VRK2: variants seen among roughly 807,000 people sequenced by gnomAD.
The protein encoded by VRK2 is VRK serine/threonine kinase 2.
In VRK2, 60 loss-of-function variants were observed where a neutral mutation model predicts 57.6. The ratio of observed to expected loss-of-function variants is 1.04; its 90% CI spans 0.85 to 1.29. The LOEUF is 1.29. Ranked by LOEUF, VRK2 falls within the 50% of genes most tolerant of loss-of-function variation. The pLI, the probability that VRK2 is intolerant of heterozygous loss-of-function variation, is 0.00. For missense variants in VRK2, 705 were observed against 588.1 expected (o/e 1.20, Z -2.06); for synonymous variants, 231 against 199.2 (o/e 1.16, Z -1.35).
At chr2:58,057,536 T>C (rs1676707385) in intron 2 of VRK2, among the ~76,000 whole-genome samples, 1 of 152,146 alleles carries the variant, frequency 6.6e-6, no homozygotes, top group Admixed American at 6.6e-5. Context: ...CTGAGTAGTA[T>C]TTAATTGAAG....
chr2:57,974,738 A>T (rs565270213), intron 1 of VRK2, among the ~76,000 whole-genome samples: 19 of 152,016 alleles, frequency 1.2e-4, no homozygotes, highest in Admixed American at 7.9e-4. Flanking sequence ...ACTAGAAAAC[A>T]TACATCAAAG....
intron 1 of VRK2, among the ~76,000 whole-genome samples, chr2:57,909,638 G>A (rs1253963889): frequency 7.2e-5 from 11 of 152,142 alleles, no homozygotes; most frequent in Non-Finnish European, 1.6e-4. Context: ...TCGCTGTCAA[G>A]AAGAAATTCA....
chr2:57,958,454 T>G (rs1423394451), intron 1 of VRK2, among the ~76,000 whole-genome samples: 3 of 150,546 alleles, frequency 2.0e-5, no homozygotes, highest in African/African-American at 5.0e-5. Flanking sequence ...TATTTGTATA[T>G]ATATACATGT....
chr2:58,011,194 C>A (rs575048818), intron 1 of VRK2, among the ~76,000 whole-genome samples: 1 of 152,278 alleles, frequency 6.6e-6, no homozygotes, highest in East Asian at 1.9e-4. Context: ...GCATTAAGAG[C>A]AGCAACTTTC....
At chr2:58,151,743 T>G (rs898409367) in intron 12 of VRK2, among the ~76,000 whole-genome samples, 9 of 106,272 alleles carry the variant, frequency 8.5e-5, no homozygotes, top group South Asian at 3.4e-4. Context: ...TTTTTTTTTT[T>G]TTTTTTTTTT....
intron 8 of VRK2, among the ~76,000 whole-genome samples, chr2:58,129,714 C>T (rs1678897383): frequency 6.6e-6 from 1 of 152,102 alleles, no homozygotes; most frequent in South Asian, 2.1e-4. Context: ...AAGATTTTAA[C>T]TTCACTAAAC....
At chr2:58,007,217 CCTCT>C (rs34855177) in intron 1 of VRK2, among the ~76,000 whole-genome samples, 36 of 141,562 alleles carry the variant, frequency 2.5e-4, no homozygotes, top group South Asian at 1.8e-3. Context: ...TCTCTCTCTC[CCTCT>C]CTCTCTCTCT....
chr2:58,083,032 ACAG>A (rs1299826917), intron 2 of VRK2, among the ~76,000 whole-genome samples: 1 of 151,832 alleles, frequency 6.6e-6, no homozygotes, highest in Non-Finnish European at 1.5e-5. Context: ...ATAATAGGAC[ACAG>A]CATTTTAATA....
chr2:58,137,689 G>A (rs926414170), intron 10 of VRK2, among the ~76,000 whole-genome samples: 3 of 151,992 alleles, frequency 2.0e-5, no homozygotes, highest in Admixed American at 2.0e-4. Flanking sequence ...CAGCATACAT[G>A]TCCAACTAAG....
chr2:58,052,973 T>C (rs1675979426), intron 2 of VRK2, among the ~76,000 whole-genome samples: 1 of 152,174 alleles, frequency 6.6e-6, no homozygotes, highest in Non-Finnish European at 1.5e-5. Context: ...TCTGTAGCAG[T>C]TTTAGTTTTT....
chr2:58,102,997 G>A (rs1437048326), intron 7 of VRK2, among the ~76,000 whole-genome samples: 3 of 151,584 alleles, frequency 2.0e-5, no homozygotes, highest in Admixed American at 1.3e-4. Context: ...TTGGATCAAT[G>A]ATGAAATTCA....
chr2:57,939,974 T>A (rs954847120), intron 1 of VRK2, among the ~76,000 whole-genome samples: 2 of 152,208 alleles, frequency 1.3e-5, no homozygotes, highest in Non-Finnish European at 2.9e-5. Flanking sequence ...AGATTGTACC[T>A]TTTTTAATAT....
chr2:57,909,906 T>G (rs1033421964), intron 1 of VRK2, among the ~76,000 whole-genome samples: 19 of 152,276 alleles, frequency 1.2e-4, no homozygotes, highest in African/African-American at 4.3e-4. Flanking sequence ...TCAGATATTC[T>G]TAGAAGCTTT....
intron 1 of VRK2, among the ~76,000 whole-genome samples, chr2:57,968,692 G>A (rs1173170061): frequency 1.3e-5 from 2 of 151,982 alleles, no homozygotes; most frequent in Admixed American, 6.6e-5. Flanking sequence ...ATGTTACCAC[G>A]AGATAAATCA....
chr2:57,936,762 A>G (rs534934505), intron 1 of VRK2, among the ~76,000 whole-genome samples: 2 of 152,278 alleles, frequency 1.3e-5, no homozygotes, highest in Admixed American at 6.5e-5. Flanking sequence ...TTGATTGGAT[A>G]AATAAATGAT....
At chr2:58,062,059 C>G (rs1328001084) in intron 2 of VRK2, among the ~76,000 whole-genome samples, 1 of 152,084 alleles carries the variant, frequency 6.6e-6, no homozygotes, top group Non-Finnish European at 1.5e-5. Flanking sequence ...TCTATTAGTG[C>G]TATTTTTCCA....
chr2:57,999,492 G>A (rs1429132849), intron 1 of VRK2, among the ~76,000 whole-genome samples: 3 of 152,086 alleles, frequency 2.0e-5, no homozygotes, highest in African/African-American at 7.2e-5. Flanking sequence ...TGTGTTTGTA[G>A]ACTTAAGTCT....
At chr2:57,920,052 T>C (rs542445463) in intron 1 of VRK2, among the ~76,000 whole-genome samples, 66 of 152,266 alleles carry the variant, frequency 4.3e-4, no homozygotes, top group Admixed American at 6.5e-4. Flanking sequence ...TTGAGATTGA[T>C]TTTTGGTGTT....
intron 2 of VRK2, among the ~76,000 whole-genome samples, chr2:58,077,721 C>T (rs2104064673): frequency 6.6e-6 from 1 of 152,146 alleles, no homozygotes; most frequent in Middle Eastern, 3.4e-3. Context: ...CCTAGTGATT[C>T]TTCTTCCTAT....
Sources: gnomAD v4.1 joint callset for allele counts (sites outside exome capture counted in the v4.1 genomes callset) on GRCh38, gnomAD v4.1.1 for gene constraint, MANE v1.5 for transcripts, NCBI Gene and HGNC (gene_info 2026-07-23, HGNC 2026-07-21) for gene names.